Variants in QNG1 observed in about 807,000 individuals in gnomAD.
QNG1 encodes Q-nucleotide N-glycosylase 1, also known as queuosine 5'-phosphate N-glycosylase/hydrolase.
chr9:83,953,695 T>A, the QNG1 span: 1 of 818,492 alleles, frequency 1.2e-6, no homozygotes, highest in South Asian at 1.6e-5. Flanking sequence ...TCCAGCTCTG[T>A]CACCCAGGCT....
the QNG1 span, chr9:83,956,517 C>T: frequency 1.6e-5 from 24 of 1,515,744 alleles, no homozygotes; most frequent in Non-Finnish European, 2.1e-5. Context: ...CTTTGGGACC[C>T]GGCGGGCCAA....
At chr9:83,956,243 C>T in the QNG1 span, 3 of 1,614,124 alleles carry the variant, frequency 1.9e-6, no homozygotes, top group African/African-American at 2.7e-5. Context: ...TCACCACACA[C>T]TTGTGCTCGT....
At chr9:83,945,463 A>C in the QNG1 span, among the ~76,000 whole-genome samples, 1 of 152,092 alleles carries the variant, frequency 6.6e-6, no homozygotes, top group Non-Finnish European at 1.5e-5. Flanking sequence ...ATGAACATTA[A>C]ATTTTCTATC....
chr9:83,953,637 C>T, the QNG1 span: 26 of 585,170 alleles, frequency 4.4e-5, no homozygotes, highest in South Asian at 8.2e-5. Flanking sequence ...TGAGCCACCA[C>T]GCCAAGCCAA....
At chr9:83,948,443 C>G in the QNG1 span, among the ~76,000 whole-genome samples, 11 of 143,302 alleles carry the variant, frequency 7.7e-5, no homozygotes, top group African/African-American at 1.8e-4. Context: ...GCAGCCCCCC[C>G]GCCCGGCCAG....
At chr9:83,940,601 T>C in the QNG1 span, among the ~76,000 whole-genome samples, 1 of 152,180 alleles carries the variant, frequency 6.6e-6, no homozygotes, top group Non-Finnish European at 1.5e-5. Context: ...GTAGTGTACA[T>C]AGTACTATGC....
chr9:83,947,010 G>A, the QNG1 span, among the ~76,000 whole-genome samples: 1 of 151,978 alleles, frequency 6.6e-6, no homozygotes, highest in African/African-American at 2.4e-5. Flanking sequence ...GGTAGAGGCT[G>A]CAGTGAGCTG....
chr9:83,953,980 C>T, the QNG1 span: 17 of 595,178 alleles, frequency 2.9e-5, no homozygotes, highest in Admixed American at 4.9e-4. Flanking sequence ...CTGCAGCCTC[C>T]ACCTCTCGGG....
the QNG1 span, chr9:83,953,802 CTGTGA>C: frequency 4.5e-6 from 7 of 1,549,250 alleles, no homozygotes; most frequent in Non-Finnish European, 6.1e-6. Flanking sequence ...CGGGTGCAGC[CTGTGA>C]GGGTCCAACA....
At chr9:83,956,790 G>A in the QNG1 span, 2 of 347,776 alleles carry the variant, frequency 5.8e-6, no homozygotes, top group Middle Eastern at 7.7e-4. Context: ...CTCAGGCTCC[G>A]CTTCCGGTTC....
the QNG1 span, chr9:83,955,662 CAGA>C: frequency 6.2e-7 from 1 of 1,605,546 alleles, no homozygotes; most frequent in Non-Finnish European, 8.5e-7. Context: ...AAATAAAATT[CAGA>C]GGACCAATGT....
the QNG1 span, chr9:83,953,816 C>A: frequency 6.5e-7 from 1 of 1,549,090 alleles, no homozygotes; most frequent in South Asian, 1.2e-5. Flanking sequence ...GAGGGTCCAA[C>A]AAAATGATCA....
the QNG1 span, among the ~76,000 whole-genome samples, chr9:83,952,751 C>T: frequency 5.9e-3 from 864 of 147,542 alleles, 8 homozygotes; most frequent in African/African-American, 0.02. Context: ...GCTGAGATCG[C>T]GCCACTGCAC....
At chr9:83,942,564 CCT>C in the QNG1 span, among the ~76,000 whole-genome samples, 3 of 152,180 alleles carry the variant, frequency 2.0e-5, no homozygotes, top group Non-Finnish European at 4.4e-5. Flanking sequence ...GAAGGTCCTA[CCT>C]CACCTGGTCA....
the QNG1 span, chr9:83,953,573 C>T: frequency 2.3e-6 from 1 of 442,052 alleles, no homozygotes; most frequent in Non-Finnish European, 4.2e-6. Context: ...GTCTTGAACT[C>T]CTGACCTTGT....
the QNG1 span, among the ~76,000 whole-genome samples, chr9:83,955,136 T>G: frequency 6.6e-6 from 1 of 151,988 alleles, no homozygotes; most frequent in Admixed American, 6.6e-5. Context: ...GAGGCAGAGG[T>G]TGCGGTGAGC....
chr9:83,950,403 T>C, the QNG1 span, among the ~76,000 whole-genome samples: 1 of 152,150 alleles, frequency 6.6e-6, no homozygotes, highest in Non-Finnish European at 1.5e-5. Flanking sequence ...ATCAAATGAT[T>C]TTTGTAATCA....
At chr9:83,952,039 T>A in the QNG1 span, among the ~76,000 whole-genome samples, 1 of 152,146 alleles carries the variant, frequency 6.6e-6, no homozygotes, top group African/African-American at 2.4e-5. Context: ...CAGGCTGGAG[T>A]AAAGTGGAAC....
the QNG1 span, among the ~76,000 whole-genome samples, chr9:83,949,130 G>C: frequency 6.6e-6 from 1 of 150,818 alleles, no homozygotes; most frequent in African/African-American, 2.4e-5. Context: ...TTGTTTTCCA[G>C]AGCAAGTATA....
Sources: allele counts gnomAD v4.1 joint callset (sites outside exome capture counted in the v4.1 genomes callset), GRCh38; gene constraint gnomAD v4.1.1; transcripts MANE v1.5; gene names NCBI Gene and HGNC (gene_info 2026-07-23, HGNC 2026-07-21).